The following SEMA3G variants were observed in gnomAD, a reference collection of about 807,000 sequenced individuals.
The protein encoded by SEMA3G is semaphorin 3G, also known as semaphorin-3G.
SEMA3G carries 70 observed loss-of-function variants against 86.2 expected under a neutral mutation model. That is an observed-to-expected ratio of 0.81 (90% CI 0.67 to 0.99). The LOEUF is 0.99. Among genes scored for constraint, SEMA3G ranks in the 50% least tolerant of loss-of-function variants. SEMA3G has a pLI of 0.00. For missense variants in SEMA3G, 1,002 were observed against 1,072.4 expected (o/e 0.93, Z 0.92); for synonymous variants, 416 against 441.4 (o/e 0.94, Z 0.72).
chr3:52,437,124 T>C (rs1016359855), intron 15 of SEMA3G, among the ~76,000 whole-genome samples: 2 of 152,060 alleles, frequency 1.3e-5, no homozygotes, highest in Non-Finnish European at 2.9e-5. Context: ...TGTGTGTGTG[T>C]AGCATAGGGA....
chr3:52,438,870 G>A (rs536071303), intron 13 of SEMA3G, 50 bp downstream of exon 13: 50 of 1,608,348 alleles, frequency 3.1e-5, no homozygotes, highest in African/African-American at 5.3e-5. Context: ...AGGAGGCTGC[G>A]GAGCAGGGGC....
At chr3:52,437,113 T>TTG (rs996910049) in intron 15 of SEMA3G, among the ~76,000 whole-genome samples, 3 of 151,878 alleles carry the variant, frequency 2.0e-5, no homozygotes, top group Non-Finnish European at 2.9e-5. Flanking sequence ...TTCTCTTCTG[T>TTG]TGTGTGTGTG....
In SEMA3G at chr3:52,440,481, C is replaced by T. The variant is rs760374079; in HGVS notation, c.1039G>A (p.Ala347Thr). Residue 347 changes from alanine to threonine, a missense_variant, in exon 10 of 16, where the codon GCA (alanine) becomes ACA (threonine). Physicochemically the swap from Ala to Thr is moderately conservative, Grantham distance 58. Coordinates refer to ENST00000231721, the MANE Select transcript of SEMA3G (RefSeq NM_020163.3). The stretch of plus-strand genomic sequence containing the variant: ...CCGTTGAAAACCTCCCAGATGTCTG[C>T]CATGTGGTACACACAGACGGCGAAG... ...QGFAVCVYHMADIWEVFNGPF... is the reference protein window; with the variant it reads ...QGFAVCVYHMTDIWEVFNGPF... 9.3e-6 allele frequency: 15 copies of T among 1,611,776 alleles called. No individual in the cohort carries two copies. In the East Asian group the frequency reaches 3.3e-4, roughly 36 times the overall value.
chr3:52,443,173 A>T, intron 1 of SEMA3G: 1 of 741,884 alleles, frequency 1.3e-6, no homozygotes, highest in East Asian at 3.4e-5. Context: ...TCATGCAGCT[A>T]ACATCTTCCC....
rs756589949 is a variant in SEMA3G at position 52,440,771 on chromosome 3, C to T, written c.981G>A (p.Ala327=). Reference sequence around the variant, plus strand: ...GTGCCCACCTGACGGTGCTGAACAGCGCGTACACCTCGAGGCTCTTCCCGG... The same window carrying T: ...GTGCCCACCTGACGGTGCTGAACAGTGCGTACACCTCGAGGCTCTTCCCGG... The part of the protein sequence containing the change: ...PKAGKSLEVY[A]LFSTVSAVFQ... Residue 327 remains alanine (A), a synonymous_variant, in exon 9 of 16, where the codon GCG becomes GCA. Transcript: ENST00000231721. 22 of 1,612,920 alleles carry T rather than the reference C, an allele frequency of 1.4e-5. No homozygotes were observed. The East Asian group carries it at 1.6e-4, about 11-fold the overall frequency.
intron 1 of SEMA3G, among the ~76,000 whole-genome samples, 189 bp downstream of exon 1, chr3:52,444,724 C>G (rs1409461705): frequency 2.5e-4 from 2 of 7,848 alleles, no homozygotes; most frequent in Non-Finnish European, 4.2e-4. Flanking sequence ...CGCACACAAA[C>G]ACGGCACACG....
chr3:52,441,994 C>T (rs1258536903), intron 4 of SEMA3G, 85 bp from the exon 5 acceptor site: 17 of 1,333,922 alleles, frequency 1.3e-5, no homozygotes, highest in Middle Eastern at 2.0e-4. Context: ...CCCTCGCGTG[C>T]GGCCAGAGAG....
chr3:52,433,924 G>A lies in SEMA3G; in HGVS notation c.*1679C>T, dbSNP rs1390579597. 6.6e-6 allele frequency: 1 copy of A among 152,212 alleles called. No homozygotes were observed. The highest frequency in any genetic ancestry group is 2.4e-5 in the African/African-American group (1 of 41,418). The allele number at this position is 152,212 out of a possible 1,614,324, so 9.4% of individuals were successfully genotyped here. A position where few individuals can be genotyped will look rare whatever the true frequency, so the allele number is the denominator to read the frequency against. On this transcript the variant is annotated 3_prime_UTR_variant, in exon 16 of 16. Coordinates refer to ENST00000231721, the MANE Select transcript of SEMA3G (RefSeq NM_020163.3). ...CACCGCAGGCTGGAAGGCTTCTCAG[G>A]GCGTTGATAGGTTAATCTCAGTGCT...
chr3:52,439,915 G>A lies in SEMA3G; in HGVS notation c.1327C>T (p.Arg443Cys), dbSNP rs776883040. 4.0e-5 allele frequency: 64 copies of A among 1,613,646 alleles called. No individual in the cohort carries two copies. The highest frequency in any genetic ancestry group is 4.9e-5 in the Non-Finnish European group (58 of 1,179,998). ...TAGGTCCCATCCTCTGCCTCCACGC[G>A]GTCCACCACGATCTGGTGTAGCTGC... Reference protein sequence around the residue: ...AQQLHQIVVDRVEAEDGTYDV... With the variant: ...AQQLHQIVVDCVEAEDGTYDV... Residue 443 changes from arginine (R) to cysteine (C), a missense_variant, in exon 11 of 16, where the codon CGC (arginine) becomes TGC (cysteine). Physicochemically the swap from Arg to Cys is radical, Grantham distance 180 (BLOSUM62 -3). Transcript: ENST00000231721.
Position 52,442,104 on chromosome 3 carries a change from C to G in SEMA3G, c.459+81G>C. The G allele has an allele frequency of 2.0e-6, 3 of 1,524,552 alleles. No individual in the cohort carries two copies. The South Asian group carries it at 3.7e-5, about 19-fold the overall frequency. The allele number at this position is 1,524,552 out of a possible 1,614,324, so 94.4% of individuals were successfully genotyped here. A position where few individuals can be genotyped will look rare whatever the true frequency, so the allele number is the denominator to read the frequency against. ...AGGCCCCTGCCCCTCTGTCCCTACC[C>G]AGGCTCAATGGGAATGTTCAGGCAG... On this transcript the variant is annotated intron_variant, in intron 4 of 15. Coordinates refer to ENST00000231721, the MANE Select transcript of SEMA3G (RefSeq NM_020163.3). The surrounding 1 kb of genome is among the most constrained non-coding windows in gnomAD (Gnocchi z 6.1).
chr3:52,437,893 T>G, intron 14 of SEMA3G, 78 bp downstream of exon 14: 1 of 1,325,738 alleles, frequency 7.5e-7, no homozygotes, highest in Admixed American at 1.8e-5. Context: ...AATCTGAGAA[T>G]GCACTTCGCA....
rs781774322 is a variant in SEMA3G at position 52,441,598 on chromosome 3, C to T, written c.643G>A (p.Asp215Asn). The change falls in exon 6 of 16, where the codon GAC becomes AAC. Residue 215 changes from aspartate (D) to asparagine (N), a missense_variant. Coordinates refer to ENST00000231721, the MANE Select transcript of SEMA3G (RefSeq NM_020163.3). Reference protein sequence around the residue: ...SGGPRPALRSDSDQSLLHDPR... With the variant: ...SGGPRPALRSNSDQSLLHDPR... ...CCGTGCAAGAGACTCTGGTCAGAGT[C>T]GGAACGCAGAGCTGGCCGAGGACCT... The T allele has an allele frequency of 9.9e-6, 16 of 1,613,332 alleles. No homozygotes were observed. The highest frequency in any genetic ancestry group is 3.3e-5 in the Admixed American group (2 of 60,002).
chr3:52,438,685 T>C (rs1384672162), intron 13 of SEMA3G: 10 of 985,506 alleles, frequency 1.0e-5, no homozygotes, highest in Non-Finnish European at 1.2e-5. Context: ...GGCACACTTT[T>C]GCCTCCCTTA....
chr3:52,440,261 G>T, intron 10 of SEMA3G, 116 bp downstream of exon 10: 1 of 1,245,042 alleles, frequency 8.0e-7, no homozygotes, highest in Non-Finnish European at 1.1e-6. Flanking sequence ...TGGAGCCCAG[G>T]CTTGGCCAAC....
At chr3:52,440,690 A>C in intron 9 of SEMA3G, 64 bp downstream of exon 9, 3 of 1,515,844 alleles carry the variant, frequency 2.0e-6, no homozygotes, top group Non-Finnish European at 2.7e-6. Flanking sequence ...GTACAGTCAC[A>C]GGTCACCGAA....
In SEMA3G at chr3:52,441,643, C is replaced by T. The variant is rs1559611511; in HGVS notation, c.598G>A (p.Ala200Thr). ...GLTADFLGRE[A>T]MIFRSGGPRP... ...GGACCTCCACTTCGGAAGATCATGG[C>T]CTCTCGCCCCAGGAAGTCAGCAGTG... The change falls in exon 6 of 16, where the codon GCC becomes ACC. Residue 200 changes from alanine (A) to threonine (T), a missense_variant. Coordinates refer to ENST00000231721, the MANE Select transcript of SEMA3G (RefSeq NM_020163.3). The T allele has an allele frequency of 1.9e-6, 3 of 1,613,816 alleles. No individual in the cohort carries two copies. In the South Asian group the frequency reaches 3.3e-5, roughly 18 times the overall value.
intron 15 of SEMA3G, 70 bp from the exon 16 acceptor site, chr3:52,436,143 C>T (rs1706047297): frequency 6.7e-7 from 1 of 1,497,766 alleles, no homozygotes; most frequent in Admixed American, 2.1e-5. Context: ...TCTGCCCCAG[C>T]TTTTCTGCCA....
chr3:52,443,696 C>T (rs1706204382), intron 1 of SEMA3G, among the ~76,000 whole-genome samples: 1 of 152,204 alleles, frequency 6.6e-6, no homozygotes, highest in South Asian at 2.1e-4. Flanking sequence ...CGGTCTCTTC[C>T]GGGAAGCCCT....
chr3:52,440,057 G>A lies in SEMA3G; in HGVS notation c.1185C>T (p.Gly395=), dbSNP rs879206816. 1.3e-6 allele frequency: 2 copies of A among 1,596,094 alleles called. No individual in the cohort carries two copies. The highest frequency in any genetic ancestry group is 4.5e-5 in the East Asian group (2 of 44,414). ...KMTAQPGRPF[G]STKDYPDEVL... is the part of the protein sequence containing the mutation. ...CCTCATCTGGGTAGTCCTTGGTGCT[G>A]CCAAAAGGCCGTCCTGGCTGTGCGG... The change falls in exon 11 of 16, where the codon GGC becomes GGT. Residue 395 remains glycine (G), a synonymous_variant. Transcript: ENST00000231721.
Sources: allele counts gnomAD v4.1 joint callset (sites outside exome capture counted in the v4.1 genomes callset), GRCh38; gene constraint gnomAD v4.1.1; non-coding constraint Gnocchi (gnomAD v3.1); transcripts MANE v1.5; gene names NCBI Gene and HGNC (gene_info 2026-07-23, HGNC 2026-07-21).